NSG2: variants seen among roughly 807,000 people sequenced by gnomAD.
NSG2 encodes the protein neuronal vesicle trafficking-associated protein 2.
Under a neutral mutation model 16.9 loss-of-function variants are expected in NSG2, and 4 were observed. That is an observed-to-expected ratio of 0.24 (90% confidence interval 0.12 to 0.54). The LOEUF (loss-of-function observed/expected upper bound fraction) is 0.54. Ranked by LOEUF, NSG2 falls within the 20% of genes least tolerant of loss-of-function variation. The probability of loss-of-function intolerance (pLI) is 0.95; values close to 1 mark genes in which losing one functional copy is unlikely to be tolerated. For synonymous variants in NSG2, 98 were observed against 88.7 expected (o/e 1.11, Z -0.59); for missense variants, 179 against 221.1 (o/e 0.81, Z 1.21).
chr5:174,096,852 C>T (rs926856654), intron 3 of NSG2, among the ~76,000 whole-genome samples: 4 of 152,004 alleles, frequency 2.6e-5, no homozygotes, highest in Admixed American at 6.6e-5. Flanking sequence ...CGGTGGGCAG[C>T]GCTGCCTCCT....
At chr5:174,105,237 G>A (rs147258353) in intron 4 of NSG2, among the ~76,000 whole-genome samples, 6 of 152,240 alleles carry the variant, frequency 3.9e-5, no homozygotes, top group South Asian at 2.1e-4. Context: ...TTTGATGTGG[G>A]GAGATCAAAT....
chr5:174,079,050 C>A lies in NSG2; in HGVS notation c.213+14735C>A, dbSNP rs565209264. ...AAAACCTTGCCAGAGGGTATATACA[C>A]CTTCCCTTTTAATTAATAAATTTTG... On this transcript the variant is annotated intron_variant, in intron 3 of 4. Transcript: ENST00000303177. Among the ~76,000 whole-genome samples, 7 of 152,186 alleles carry A rather than the reference C, an allele frequency of 4.6e-5. No individual in the cohort carries two copies. The East Asian group carries it at 7.7e-4, about 17-fold the overall frequency.
chr5:174,066,989 C>CAAA lies in NSG2; in HGVS notation c.213+2699_213+2701dup, dbSNP rs543368373. Among the ~76,000 whole-genome samples, 199 of 27,926 alleles carry CAAA rather than the reference C, an allele frequency of 7.1e-3. 45 individuals are homozygous for CAAA. Among genetic ancestry groups the CAAA allele is most frequent in the African/African-American group, 0.017 (177 of 10,222 alleles). 18.3% of individuals were successfully genotyped at this position (27,926 alleles called of 152,430 possible). ...TGGGCGACAGAGCGAGACTCTGTCT[C>CAAA]AAAAAAAAAAAAAAAAAAAAAAAAA... On this transcript the variant is annotated intron_variant, in intron 3 of 4. Coordinates refer to ENST00000303177, the MANE Select transcript of NSG2 (RefSeq NM_015980.5).
At chr5:174,049,898 G>T (rs1256513965) in intron 2 of NSG2, among the ~76,000 whole-genome samples, 1 of 152,196 alleles carries the variant, frequency 6.6e-6, no homozygotes, top group Non-Finnish European at 1.5e-5. Flanking sequence ...AGAAGCCAAA[G>T]GTCCTCTAAA....
chr5:174,089,416 T>C (rs1340701199), intron 3 of NSG2, among the ~76,000 whole-genome samples: 2 of 151,794 alleles, frequency 1.3e-5, no homozygotes, highest in Non-Finnish European at 2.9e-5. Flanking sequence ...GAGGGTGTAT[T>C]TTTTTTTCCA....
intron 2 of NSG2, among the ~76,000 whole-genome samples, chr5:174,060,602 G>A (rs962663321): frequency 9.9e-5 from 15 of 151,722 alleles, no homozygotes; most frequent in African/African-American, 1.7e-4. Flanking sequence ...CACAGTTTTC[G>A]TAGGTCAGAA....
chr5:174,086,068 G>T (rs76318717), intron 3 of NSG2, among the ~76,000 whole-genome samples: 1 of 152,222 alleles, frequency 6.6e-6, no homozygotes, highest in East Asian at 1.9e-4. Flanking sequence ...GTGGACACAT[G>T]TTTCAGACCC....
At chr5:174,075,257 G>A (rs529771110) in intron 3 of NSG2, among the ~76,000 whole-genome samples, 26 of 152,170 alleles carry the variant, frequency 1.7e-4, no homozygotes, top group African/African-American at 5.3e-4. Context: ...TAAGCCACTC[G>A]GGGTCATACA....
intron 3 of NSG2, among the ~76,000 whole-genome samples, chr5:174,088,731 A>G (rs1216605190): frequency 6.6e-6 from 1 of 152,096 alleles, no homozygotes; most frequent in Non-Finnish European, 1.5e-5. Context: ...TTTCCTCCTT[A>G]CATCCGTGCT....
intron 2 of NSG2, among the ~76,000 whole-genome samples, chr5:174,063,231 G>A (rs760588879): frequency 9.9e-5 from 15 of 152,198 alleles, no homozygotes; most frequent in Non-Finnish European, 1.8e-4. Context: ...CAGCTTCTGT[G>A]TTCCTCATGG....
intron 2 of NSG2, among the ~76,000 whole-genome samples, chr5:174,063,373 C>A (rs796571467): frequency 6.6e-6 from 1 of 152,074 alleles, no homozygotes; most frequent in East Asian, 1.9e-4. Flanking sequence ...ATGTTAACCA[C>A]CTCTGCAAAA....
Position 174,107,733 on chromosome 5 carries a change from A to G in NSG2, c.*228A>G. The G allele has an allele frequency of 1.5e-6, 1 of 689,250 alleles. No homozygotes were observed. The highest frequency in any genetic ancestry group is 2.7e-6 in the Non-Finnish European group (1 of 376,690). 42.7% of individuals were successfully genotyped at this position (689,250 alleles called of 1,614,324 possible). ...GTTGATTCGTCGCCGAGTCAGGCTC[A>G]TGTACAAAGGCATGTTTCGTGTTGA... On this transcript the variant is annotated 3_prime_UTR_variant, in exon 5 of 5. Transcript: ENST00000303177. The surrounding 1 kb of genome is among the most constrained non-coding windows in gnomAD (Gnocchi z 4.5).
At chr5:174,087,548 G>A (rs1760648727) in intron 3 of NSG2, among the ~76,000 whole-genome samples, 1 of 152,086 alleles carries the variant, frequency 6.6e-6, no homozygotes, top group South Asian at 2.1e-4. Context: ...GGGAGGCTGA[G>A]GTAGGAGGGT....
In NSG2 at chr5:174,107,483, C is replaced by T. The variant is rs151227294; in HGVS notation, c.494C>T (p.Pro165Leu). Reference sequence around the variant, plus strand: ...GCCGCTGTCATCCATGAGCCCAAGCCGCCCAAGACCCAGGGCCACTAGAGG... The same window carrying T: ...GCCGCTGTCATCCATGAGCCCAAGCTGCCCAAGACCCAGGGCCACTAGAGG... ...SAAAVIHEPK[P>L]PKTQGH Residue 165 changes from proline to leucine, a missense_variant, in exon 5 of 5, where the codon CCG (proline) becomes CTG (leucine). Pro to Leu is a moderately conservative substitution (Grantham distance 98, BLOSUM62 -3). Coordinates refer to ENST00000303177, the MANE Select transcript of NSG2 (RefSeq NM_015980.5). This position sits in a 1 kb window ranked among gnomAD's most constrained non-coding sequence, Gnocchi z 4.5. 290 of 1,609,578 alleles carry T rather than the reference C, an allele frequency of 1.8e-4. No homozygotes were observed. The highest frequency in any genetic ancestry group is 2.2e-4 in the Admixed American group (13 of 59,800).
intron 3 of NSG2, among the ~76,000 whole-genome samples, chr5:174,092,332 G>A (rs973324268): frequency 1.3e-5 from 2 of 152,248 alleles, no homozygotes; most frequent in Non-Finnish European, 2.9e-5. Flanking sequence ...TTAGGGTCGG[G>A]GATGCAGGAG....
intron 1 of NSG2, 38 bp from the exon 2 acceptor site, chr5:174,046,696 A>T (rs1759805099): frequency 1.9e-6 from 3 of 1,605,340 alleles, no homozygotes; most frequent in Non-Finnish European, 2.6e-6. Flanking sequence ...TTTCTGCCTC[A>T]CCTCCTGCTG....
chr5:174,057,355 C>G, intron 2 of NSG2, among the ~76,000 whole-genome samples: 1 of 152,164 alleles, frequency 6.6e-6, no homozygotes, highest in East Asian at 1.9e-4. Flanking sequence ...GAGCTGATTC[C>G]TCCAAGGTAC....
intron 3 of NSG2, among the ~76,000 whole-genome samples, chr5:174,081,885 C>A (rs1387330781): frequency 2.2e-4 from 20 of 90,778 alleles, no homozygotes; most frequent in East Asian, 5.5e-4. Context: ...GAGACTCCGA[C>A]TCAAAAAAAA....
At chr5:174,097,189 CTG>C (rs912323276) in intron 3 of NSG2, among the ~76,000 whole-genome samples, 16 of 152,120 alleles carry the variant, frequency 1.1e-4, no homozygotes, top group Non-Finnish European at 5.9e-5. Context: ...GTCGCCAACT[CTG>C]TGCTCTATTT....
Sources: gnomAD v4.1 joint callset for allele counts (sites outside exome capture counted in the v4.1 genomes callset) on GRCh38, gnomAD v4.1.1 for gene constraint, Gnocchi (gnomAD v3.1) non-coding constraint, MANE v1.5 for transcripts, NCBI Gene and HGNC (gene_info 2026-07-23, HGNC 2026-07-21) for gene names.